The following PDE7B variants were observed in gnomAD, a reference collection of about 807,000 sequenced individuals.
PDE7B encodes the protein phosphodiesterase 7B.
In PDE7B, 29 loss-of-function variants were observed where a neutral mutation model predicts 56.2. That is an observed-to-expected ratio of 0.52 (90% CI 0.38 to 0.70). PDE7B has a LOEUF of 0.70. PDE7B is among the 30% of genes least tolerant of loss of function. PDE7B has a pLI of 0.00. For missense variants in PDE7B, 490 were observed against 565.0 expected (o/e 0.87, Z 1.35); for synonymous variants, 197 against 196.9 (o/e 1.00, Z 0.00).
chr6:136,024,992 C>T (rs17835714), intron 2 of PDE7B, among the ~76,000 whole-genome samples: 4,859 of 152,246 alleles, frequency 0.032, 105 homozygotes, highest in Middle Eastern at 0.055. Context: ...TGGGGGAAAA[C>T]GTGACTTTAC....
intron 1 of PDE7B, among the ~76,000 whole-genome samples, chr6:135,872,968 G>T (rs1401644721): frequency 6.6e-6 from 1 of 152,022 alleles, no homozygotes; most frequent in Admixed American, 6.6e-5. Flanking sequence ...TTCATAATCA[G>T]CAGATTAAAA....
chr6:136,070,442 C>A (rs1231133349), intron 2 of PDE7B: 4 of 152,044 alleles, frequency 2.6e-5, no homozygotes, highest in Non-Finnish European at 5.9e-5. Flanking sequence ...CTATATTTTT[C>A]ACATTTTATA....
At chr6:135,913,555 C>A (rs1462011649) in intron 1 of PDE7B, among the ~76,000 whole-genome samples, 1 of 152,138 alleles carries the variant, frequency 6.6e-6, no homozygotes, top group East Asian at 1.9e-4. Flanking sequence ...ATATTAACAT[C>A]CTACCAATGC....
intron 3 of PDE7B, among the ~76,000 whole-genome samples, chr6:136,141,710 G>C (rs565766932): frequency 9.5e-4 from 144 of 152,174 alleles, no homozygotes; most frequent in Middle Eastern, 3.4e-3. Context: ...TGTATGTGTC[G>C]AGGAATTTAT....
At position 136,100,655 on chromosome 6, in the gene PDE7B, AAGG is replaced by A. The variant is rs551621008; in HGVS notation, c.83-8073_83-8071del. ...CTTTGCTGAAGTTGCTTATCAGCTT[AAGG>A]AGATTTTGGGCTGAGACTGTGGGGT... On this transcript the variant is annotated intron_variant, in intron 2 of 12. Transcript: ENST00000308191. 9.2e-3 allele frequency among the ~76,000 whole-genome samples: 1,407 copies of A among 152,320 alleles called. 27 individuals carry two copies. The highest frequency in any genetic ancestry group is 0.031 in the African/African-American group (1,275 of 41,566).
chr6:136,015,347 G>A (rs1775961370), intron 2 of PDE7B, among the ~76,000 whole-genome samples: 1 of 152,154 alleles, frequency 6.6e-6, no homozygotes, highest in African/African-American at 2.4e-5. Context: ...TGAAGTGTGA[G>A]CTATCAAAAA....
At chr6:136,101,416 C>A (rs185979559) in intron 2 of PDE7B, among the ~76,000 whole-genome samples, 1 of 152,046 alleles carries the variant, frequency 6.6e-6, no homozygotes, top group Non-Finnish European at 1.5e-5. Context: ...GGTTGGTAGG[C>A]TATTCATTAT....
intron 3 of PDE7B, among the ~76,000 whole-genome samples, chr6:136,115,788 C>T (rs569953469): frequency 3.1e-4 from 47 of 152,184 alleles, no homozygotes; most frequent in Non-Finnish European, 6.3e-4. Flanking sequence ...CCACACCAAC[C>T]GCCACAGGAC....
intron 3 of PDE7B, among the ~76,000 whole-genome samples, chr6:136,119,681 A>G (rs1469324786): frequency 6.6e-6 from 1 of 152,232 alleles, no homozygotes; most frequent in Admixed American, 6.5e-5. Context: ...GAAGACACTC[A>G]AAAAATCATT....
intron 2 of PDE7B, among the ~76,000 whole-genome samples, chr6:135,982,848 G>A (rs927829770): frequency 6.6e-5 from 10 of 152,122 alleles, no homozygotes; most frequent in Non-Finnish European, 1.2e-4. Context: ...CTGTCACAGA[G>A]TGAGGTTTCT....
chr6:136,186,552 C>A (rs1458228719), intron 11 of PDE7B, among the ~76,000 whole-genome samples: 1 of 152,120 alleles, frequency 6.6e-6, no homozygotes, highest in Non-Finnish European at 1.5e-5. Context: ...GAGTGAGGTG[C>A]TACTCAGATG....
intron 1 of PDE7B, among the ~76,000 whole-genome samples, chr6:135,900,243 T>C (rs1775976168): frequency 6.6e-6 from 1 of 152,194 alleles, no homozygotes; most frequent in Non-Finnish European, 1.5e-5. Context: ...TGTGAATCTT[T>C]TTAGTGCAAA....
intron 2 of PDE7B, among the ~76,000 whole-genome samples, chr6:136,010,389 C>CTTTTTTTTTTTTTTTTTTTT (rs1327188298): frequency 2.0e-5 from 2 of 98,830 alleles, no homozygotes; most frequent in African/African-American, 3.6e-5. Context: ...TTATTCCCTT[C>CTTTTTTTTTTTTTTTTTTTT]TTTTTTTTTT....
intron 2 of PDE7B, among the ~76,000 whole-genome samples, chr6:136,074,222 C>A (rs868101459): frequency 3.6e-5 from 5 of 137,914 alleles, no homozygotes; most frequent in Admixed American, 2.2e-4. Flanking sequence ...GACAGAGAGA[C>A]CTTGTCTCAA....
chr6:135,937,410 G>T (rs1774441113), intron 1 of PDE7B, among the ~76,000 whole-genome samples: 1 of 152,098 alleles, frequency 6.6e-6, no homozygotes, highest in Non-Finnish European at 1.5e-5. Flanking sequence ...AGTTCTCCTG[G>T]TTATCTGAAT....
intron 2 of PDE7B, among the ~76,000 whole-genome samples, chr6:135,990,657 G>A (rs960502097): frequency 3.3e-5 from 5 of 152,140 alleles, no homozygotes; most frequent in African/African-American, 7.2e-5. Flanking sequence ...GGTTAATGAC[G>A]ACATATGGTA....
At chr6:135,910,970 A>G (rs1166890426) in intron 1 of PDE7B, among the ~76,000 whole-genome samples, 4 of 152,194 alleles carry the variant, frequency 2.6e-5, no homozygotes, top group Non-Finnish European at 5.9e-5. Context: ...CATGACTAAG[A>G]AGGAGTTTAA....
At chr6:136,118,094 T>C (rs919010150) in intron 3 of PDE7B, among the ~76,000 whole-genome samples, 1 of 152,194 alleles carries the variant, frequency 6.6e-6, no homozygotes, top group Non-Finnish European at 1.5e-5. Flanking sequence ...TTGCTTATAA[T>C]AGGTCCATAA....
Position 135,955,168 on chromosome 6 carries a change from A to G in PDE7B, c.82+7644A>G, listed in dbSNP as rs532516322. Among the ~76,000 whole-genome samples the G allele has an allele frequency of 5.3e-5, 8 of 152,230 alleles. No individual in the cohort carries two copies. In the East Asian group the frequency reaches 7.7e-4, roughly 15 times the overall value. On this transcript the variant is annotated intron_variant, in intron 2 of 12. Transcript: ENST00000308191. ...TGTGTGCCAGAGTAGGGATGCAAAGATATTGAAATTCTATCCTCAGCAAGC... is the reference window on the plus strand; with the variant it reads ...TGTGTGCCAGAGTAGGGATGCAAAGGTATTGAAATTCTATCCTCAGCAAGC...
Sources: gnomAD v4.1 joint callset for allele counts (sites outside exome capture counted in the v4.1 genomes callset) on GRCh38, gnomAD v4.1.1 for gene constraint, MANE v1.5 for transcripts, NCBI Gene and HGNC (gene_info 2026-07-23, HGNC 2026-07-21) for gene names.